The following FRMPD2 variants were observed in gnomAD, a reference collection of about 807,000 sequenced individuals.
FRMPD2 encodes FERM and PDZ domain-containing protein 2.
In FRMPD2, 96 loss-of-function variants were observed where a neutral mutation model predicts 140.1. The observed-to-expected ratio is 0.69, with a 90% CI of 0.58 to 0.81. The LOEUF is 0.81. Among genes scored for constraint, FRMPD2 ranks in the 40% least tolerant of loss-of-function variants. The pLI, the probability that FRMPD2 is intolerant of heterozygous loss-of-function variation, is 0.00. For synonymous variants in FRMPD2, 449 were observed against 547.6 expected, an observed-to-expected ratio of 0.82 and a Z score of 2.52; for missense variants, 1,240 against 1,447.4, an observed-to-expected ratio of 0.86 and a Z score of 2.32.
At chr10:48,224,400 C>A (rs1419296004) in intron 10 of FRMPD2, among the ~76,000 whole-genome samples, 1 of 152,222 alleles carries the variant, frequency 6.6e-6, no homozygotes, top group African/African-American at 2.4e-5. Context: ...TTTTGGAAGG[C>A]AGAACTTTTA....
chr10:48,257,820 G>A lies in FRMPD2; in HGVS notation c.26-6129C>T, dbSNP rs375249847. On this transcript the variant is annotated intron_variant, in intron 1 of 28. Transcript: ENST00000374201. ...TGCCCAAGTGCTCAGCACATAAAAGGTGATGAGCACATCATATTTCCTGTC... is the reference window on the plus strand; with the variant it reads ...TGCCCAAGTGCTCAGCACATAAAAGATGATGAGCACATCATATTTCCTGTC... 1.2e-4 allele frequency among the ~76,000 whole-genome samples: 19 copies of A among 152,278 alleles called. No homozygotes were observed. The East Asian group carries it at 3.1e-3, about 25-fold the overall frequency.
chr10:48,238,585 A>G (rs1840024452), intron 7 of FRMPD2, among the ~76,000 whole-genome samples: 1 of 152,234 alleles, frequency 6.6e-6, no homozygotes, highest in African/African-American at 2.4e-5. Flanking sequence ...GTATTGCAAG[A>G]TAAACTCTAC....
In FRMPD2 at chr10:48,222,463, G is replaced by A. The variant is rs777422292; in HGVS notation, c.1317-12C>T. 1.2e-6 allele frequency: 2 copies of A among 1,613,482 alleles called. No homozygotes were observed. The highest frequency in any genetic ancestry group is 1.7e-6 in the Non-Finnish European group (2 of 1,179,698). On this transcript the variant is annotated splice_polypyrimidine_tract_variant and intron_variant, in intron 11 of 28. Coordinates refer to ENST00000374201, the MANE Select transcript of FRMPD2 (RefSeq NM_001018071.4). ...TTGTCAGGCTGTGCCTGGAAAAGAAGTAGCAATAAAAAGGGCTGGGTTGCT... is the reference window on the plus strand; with the variant it reads ...TTGTCAGGCTGTGCCTGGAAAAGAAATAGCAATAAAAAGGGCTGGGTTGCT...
At chr10:48,186,856 G>A (rs1335462654) in intron 17 of FRMPD2, among the ~76,000 whole-genome samples, 2 of 152,124 alleles carry the variant, frequency 1.3e-5, no homozygotes, top group Non-Finnish European at 2.9e-5. Context: ...GTTTTCTGGT[G>A]AATACTGGGA....
At chr10:48,211,608 C>A (rs1839324689) in intron 13 of FRMPD2, among the ~76,000 whole-genome samples, 1 of 152,084 alleles carries the variant, frequency 6.6e-6, no homozygotes, top group South Asian at 2.1e-4. Context: ...CATGGGAAAA[C>A]CCTGTCTCTA....
intron 14 of FRMPD2, 46 bp downstream of exon 14, chr10:48,206,702 A>G (rs370037766): frequency 6.5e-7 from 1 of 1,539,340 alleles, no homozygotes; most frequent in African/African-American, 1.4e-5. Flanking sequence ...CCAACAAATC[A>G]AAGGAAAATG....
Position 48,257,239 on chromosome 10 carries a change from C to T in FRMPD2, c.26-5548G>A, listed in dbSNP as rs112084358. ...GGTTCCACAAATCAGGATGTGGATA[C>T]CTTTACGGTTTTTATTTTTTTATTT... On this transcript the variant is annotated intron_variant, in intron 1 of 28. Coordinates refer to ENST00000374201, the MANE Select transcript of FRMPD2 (RefSeq NM_001018071.4). Among the ~76,000 whole-genome samples the T allele has an allele frequency of 3.3e-3, 492 of 151,184 alleles. 2 individuals are homozygous for T. Among genetic ancestry groups the T allele is most frequent in the African/African-American group, 0.011 (466 of 41,250 alleles).
chr10:48,184,912 A>G (rs1838643233), intron 18 of FRMPD2, 31 bp from the exon 19 acceptor site: 1 of 1,523,758 alleles, frequency 6.6e-7, no homozygotes, highest in Non-Finnish European at 9.1e-7. Flanking sequence ...CCATGATAAG[A>G]TGATACTTAG....
At chr10:48,161,744 T>C (rs1197646814) in intron 28 of FRMPD2, among the ~76,000 whole-genome samples, 42 of 151,784 alleles carry the variant, frequency 2.8e-4, no homozygotes, top group African/African-American at 9.2e-4. Flanking sequence ...AGGAATGTTA[T>C]GGAGCAGATT....
chr10:48,234,027 A>AGGTACCAAACGCATCTCCATGCAAAG (rs1839910953), intron 9 of FRMPD2, among the ~76,000 whole-genome samples: 2 of 152,242 alleles, frequency 1.3e-5, no homozygotes, highest in Non-Finnish European at 2.9e-5. Flanking sequence ...CTCCCAAGCC[A>AGGTACCAAACGCATCTCCATGCAAAG]GGTACCAAAC....
chr10:48,249,225 G>A, intron 2 of FRMPD2, 47 bp from the exon 3 acceptor site: 1 of 1,593,168 alleles, frequency 6.3e-7, no homozygotes, highest in Non-Finnish European at 8.6e-7. Flanking sequence ...GCTTCCATCT[G>A]GGGTGCCAGC....
At chr10:48,273,803 G>T (rs915175182) in intron 1 of FRMPD2, among the ~76,000 whole-genome samples, 1 of 151,414 alleles carries the variant, frequency 6.6e-6, no homozygotes, top group African/African-American at 2.4e-5. Flanking sequence ...TACTTAATTG[G>T]TTTCAGCTAC....
chr10:48,257,285 A>T (rs372101031), intron 1 of FRMPD2, among the ~76,000 whole-genome samples: 28 of 138,900 alleles, frequency 2.0e-4, no homozygotes, highest in African/African-American at 3.0e-4. Flanking sequence ...TTTACTTATT[A>T]TTATTATTAT....
chr10:48,177,865 C>T (rs1204773409), intron 22 of FRMPD2, 182 bp downstream of exon 22: 5 of 488,956 alleles, frequency 1.0e-5, no homozygotes, highest in Non-Finnish European at 1.9e-5. Flanking sequence ...TGAGGTTCCC[C>T]AGTACCTCTG....
chr10:48,207,592 C>T (rs1489033259), intron 13 of FRMPD2, among the ~76,000 whole-genome samples: 3 of 152,220 alleles, frequency 2.0e-5, no homozygotes, highest in Non-Finnish European at 4.4e-5. Flanking sequence ...AGGCCACCAA[C>T]TTCTTAAGAG....
chr10:48,205,964 A>G (rs1839189238), intron 14 of FRMPD2, among the ~76,000 whole-genome samples: 1 of 152,198 alleles, frequency 6.6e-6, no homozygotes, highest in African/African-American at 2.4e-5. Flanking sequence ...GTTTTTAACC[A>G]TTGAGAAAAT....
chr10:48,259,675 C>T (rs946807704), intron 1 of FRMPD2, among the ~76,000 whole-genome samples: 1 of 151,114 alleles, frequency 6.6e-6, no homozygotes, highest in African/African-American at 2.4e-5. Context: ...CACACATACA[C>T]ATTTTTTTTT....
Position 48,223,186 on chromosome 10 carries a change from G to C in FRMPD2, c.1253C>G (p.Ser418Cys). The change falls in exon 11 of 29, where the codon TCC becomes TGC. Residue 418 changes from serine (S) to cysteine (C), a missense_variant. Coordinates refer to ENST00000374201, the MANE Select transcript of FRMPD2 (RefSeq NM_001018071.4). ...EGWREQPQKT[S>C]MNTFTLFLRI... is the part of the protein sequence containing the mutation. ...CAGGAAGAGTGTGAAGGTATTCATG[G>C]AGGTCTTCTGAGGCTGCTCTCTCCA... 2 of 1,614,032 alleles carry C rather than the reference G, an allele frequency of 1.2e-6. No individual in the cohort carries two copies. The highest frequency in any genetic ancestry group is 1.3e-5 in the African/African-American group (1 of 75,054).
intron 2 of FRMPD2, 41 bp downstream of exon 2, chr10:48,251,525 A>G (rs202023997): frequency 1.2e-6 from 2 of 1,609,222 alleles, no homozygotes; most frequent in East Asian, 2.2e-5. Context: ...AGCTTCACAT[A>G]CAACTCCCTG....
Sources: gnomAD v4.1 joint callset for allele counts (sites outside exome capture counted in the v4.1 genomes callset) on GRCh38, gnomAD v4.1.1 for gene constraint, MANE v1.5 for transcripts, NCBI Gene and HGNC (gene_info 2026-07-23, HGNC 2026-07-21) for gene names.